The following PAXBP1 variants were observed in gnomAD, a reference collection of about 807,000 sequenced individuals.
PAXBP1 encodes the protein PAX3- and PAX7-binding protein 1.
PAXBP1 carries 44 observed loss-of-function variants against 119.9 expected under a neutral mutation model. The ratio of observed to expected loss-of-function variants is 0.37; its 90% CI spans 0.29 to 0.47. The LOEUF (loss-of-function observed/expected upper bound fraction) is 0.47. Ranked by LOEUF, PAXBP1 falls within the 20% of genes least tolerant of loss-of-function variation. The probability of loss-of-function intolerance (pLI) is 0.99; values close to 1 mark genes in which losing one functional copy is unlikely to be tolerated. For missense variants in PAXBP1, 898 were observed against 1,134.1 expected (o/e 0.79, Z 2.99); for synonymous variants, 393 against 406.6 (o/e 0.97, Z 0.40).
chr21:32,768,699 C>T (rs562559061), intron 2 of PAXBP1, among the ~76,000 whole-genome samples: 3 of 152,324 alleles, frequency 2.0e-5, no homozygotes, highest in Admixed American at 6.5e-5. Flanking sequence ...AGTTTCAAAA[C>T]GCATTTATCA....
At position 32,734,761 on chromosome 21, in the gene PAXBP1, T is replaced by C. The variant is rs755847726; in HGVS notation, c.*189A>G. The C allele has an allele frequency of 1.7e-6, 1 of 602,332 alleles. No homozygotes were observed. The highest frequency in any genetic ancestry group is 2.9e-5 in the East Asian group (1 of 34,886). The allele number at this position is 602,332 out of a possible 1,614,324, so 37.3% of individuals were successfully genotyped here. The stretch of plus-strand genomic sequence containing the variant: ...TGACAGGCAGTAAAGAAAACATTCA[T>C]AGACTCCTAGAAATAATCTGAATTC... On this transcript the variant is annotated 3_prime_UTR_variant, in exon 18 of 18. Coordinates refer to ENST00000331923, the MANE Select transcript of PAXBP1 (RefSeq NM_016631.4).
intron 4 of PAXBP1, 53 bp from the exon 5 acceptor site, chr21:32,761,215 T>A (rs2044140105): frequency 7.5e-7 from 1 of 1,341,752 alleles, no homozygotes; most frequent in Non-Finnish European, 1.1e-6. Flanking sequence ...AGCAAAGAGG[T>A]AAAAGATGCT....
intron 7 of PAXBP1, among the ~76,000 whole-genome samples, chr21:32,758,644 TAAAAAAAAAAAAA>T (rs138934420): frequency 3.8e-5 from 4 of 104,108 alleles, no homozygotes; most frequent in African/African-American, 1.4e-4. Flanking sequence ...TCATCCAGGG[TAAAAAAAAAAAAA>T]AAAAAAAAAC....
intron 5 of PAXBP1, among the ~76,000 whole-genome samples, chr21:32,760,363 C>G (rs904434321): frequency 1.3e-5 from 2 of 152,300 alleles, no homozygotes; most frequent in Admixed American, 6.5e-5. Context: ...AAGACTTTCT[C>G]TATTGTGCCA....
At position 32,734,902 on chromosome 21, in the gene PAXBP1, C is replaced by T. The variant is rs965631295; in HGVS notation, c.*48G>A. 7.3e-7 allele frequency: 1 copy of T among 1,375,098 alleles called. No individual in the cohort carries two copies. The highest frequency in any genetic ancestry group is 1.7e-5 in the Admixed American group (1 of 58,400). 85.2% of individuals were successfully genotyped at this position (1,375,098 alleles called of 1,614,324 possible). ...AAACTTTACATATATACAAAATTTA[C>T]ACATTGGGAATGGTAATCAAGCAAA... On this transcript the variant is annotated 3_prime_UTR_variant, in exon 18 of 18. Coordinates refer to ENST00000331923, the MANE Select transcript of PAXBP1 (RefSeq NM_016631.4).
At chr21:32,741,839 A>G (rs1370858318) in intron 15 of PAXBP1, among the ~76,000 whole-genome samples, 1 of 152,200 alleles carries the variant, frequency 6.6e-6, no homozygotes, top group Non-Finnish European at 1.5e-5. Context: ...GGTCAAAGAA[A>G]AAGTTCTTCT....
intron 2 of PAXBP1, among the ~76,000 whole-genome samples, chr21:32,765,879 G>A (rs991157057): frequency 1.9e-5 from 2 of 102,572 alleles, no homozygotes; most frequent in African/African-American, 9.2e-5. Context: ...GGTGGCTCAC[G>A]CCTGTAATCC....
intron 10 of PAXBP1, among the ~76,000 whole-genome samples, chr21:32,750,259 T>A (rs371991264): frequency 6.6e-6 from 1 of 152,206 alleles, no homozygotes; most frequent in Non-Finnish European, 1.5e-5. Flanking sequence ...TCTCCTTGTA[T>A]AAAGAGCCAG....
Position 32,744,674 on chromosome 21 carries a change from C to T in PAXBP1, c.2190+118G>A, listed in dbSNP as rs2043845891. 2.7e-6 allele frequency: 3 copies of T among 1,120,710 alleles called. No individual in the cohort carries two copies. The South Asian group carries it at 7.2e-5, about 27-fold the overall frequency. The allele number at this position is 1,120,710 out of a possible 1,614,324, so 69.4% of individuals were successfully genotyped here. On this transcript the variant is annotated intron_variant, in intron 13 of 17. Coordinates refer to ENST00000331923, the MANE Select transcript of PAXBP1 (RefSeq NM_016631.4). ...TTTCAGGCTTTAATGGCCCTGATGG[C>T]CCAAGTGGGAGAACCAGATTTCTGA...
chr21:32,747,968 G>A (rs62214443), intron 11 of PAXBP1, among the ~76,000 whole-genome samples: 1 of 146,300 alleles, frequency 6.8e-6, no homozygotes, highest in Non-Finnish European at 1.5e-5. Flanking sequence ...TTTTTTTTAA[G>A]TAGAGACAAG....
intron 10 of PAXBP1, among the ~76,000 whole-genome samples, chr21:32,749,461 T>C (rs1467315940): frequency 6.6e-6 from 1 of 152,150 alleles, no homozygotes; most frequent in East Asian, 1.9e-4. Context: ...CCCAAAGTGC[T>C]GGGATTACAG....
rs2146460377 is a variant in PAXBP1 at position 32,734,880 on chromosome 21, CTT to C, written c.*68_*69del. The C allele has an allele frequency of 5.1e-5, 58 of 1,147,260 alleles. 1 individual carries two copies. The South Asian group carries it at 7.2e-4, about 14-fold the overall frequency. 71.1% of individuals were successfully genotyped at this position (1,147,260 alleles called of 1,614,324 possible). The stretch of plus-strand genomic sequence containing the variant: ...AATTGCTATTTTACAGTTTAAGAAA[CTT>C]TACATATATACAAAATTTACACATT... On this transcript the variant is annotated 3_prime_UTR_variant, in exon 18 of 18. Transcript: ENST00000331923.
intron 17 of PAXBP1, among the ~76,000 whole-genome samples, chr21:32,735,823 T>A (rs2043685060): frequency 6.6e-6 from 1 of 152,234 alleles, no homozygotes; most frequent in Admixed American, 6.5e-5. Flanking sequence ...AAACAAGACA[T>A]AATATGACAT....
intron 17 of PAXBP1, 104 bp downstream of exon 17, chr21:32,737,150 A>G: frequency 3.0e-6 from 3 of 984,578 alleles, no homozygotes; most frequent in East Asian, 3.0e-5. Context: ...CTAAGTGAAC[A>G]TACAATTTAA....
chr21:32,762,371 T>G, intron 3 of PAXBP1, 54 bp from the exon 4 acceptor site: 2 of 1,544,828 alleles, frequency 1.3e-6, no homozygotes, highest in Non-Finnish European at 1.7e-6. Context: ...GTTTCTATTT[T>G]CTTGAAAATA....
At chr21:32,748,050 C>T (rs2043901998) in intron 11 of PAXBP1, among the ~76,000 whole-genome samples, 1 of 151,512 alleles carries the variant, frequency 6.6e-6, no homozygotes, top group Non-Finnish European at 1.5e-5. Context: ...GCCTCCCAAA[C>T]TGTTGGGATT....
At chr21:32,764,643 T>C in intron 2 of PAXBP1, 119 bp from the exon 3 acceptor site, 4 of 685,486 alleles carry the variant, frequency 5.8e-6, no homozygotes, top group Non-Finnish European at 7.0e-6. Flanking sequence ...AACTTTTCAT[T>C]CAATTATGGG....
At chr21:32,748,990 G>A (rs1024686281) in intron 10 of PAXBP1, among the ~76,000 whole-genome samples, 2 of 152,124 alleles carry the variant, frequency 1.3e-5, no homozygotes, top group African/African-American at 4.8e-5. Flanking sequence ...TCAAATTTCA[G>A]TTACTACGGT....
chr21:32,769,957 TAAATG>T lies in PAXBP1; in HGVS notation c.344-20_344-16del. On this transcript the variant is annotated splice_polypyrimidine_tract_variant and intron_variant, in intron 1 of 17. Coordinates refer to ENST00000331923, the MANE Select transcript of PAXBP1 (RefSeq NM_016631.4). The stretch of plus-strand genomic sequence containing the variant: ...TTCTTCATTTTCTTAAAAAGGAAAT[TAAATG>T]AAGTCTGTAGCAACTATTTTCTGAA... 2 of 1,499,634 alleles carry T rather than the reference TAAATG, an allele frequency of 1.3e-6. No individual in the cohort carries two copies. The highest frequency in any genetic ancestry group is 1.8e-6 in the Non-Finnish European group (2 of 1,107,542). The allele number at this position is 1,499,634 out of a possible 1,614,324, so 92.9% of individuals were successfully genotyped here.
Sources: gnomAD v4.1 joint callset for allele counts (sites outside exome capture counted in the v4.1 genomes callset) on GRCh38, gnomAD v4.1.1 for gene constraint, MANE v1.5 for transcripts, NCBI Gene and HGNC (gene_info 2026-07-23, HGNC 2026-07-21) for gene names.